SLC24A2: variants seen among roughly 807,000 people sequenced by gnomAD.
SLC24A2 encodes solute carrier family 24 member 2.
SLC24A2 carries 36 observed loss-of-function variants against 62.0 expected under a neutral mutation model. The ratio of observed to expected loss-of-function variants is 0.58; its 90% CI spans 0.44 to 0.77. The LOEUF (loss-of-function observed/expected upper bound fraction) is 0.77, where lower values mean the gene tolerates loss of function less well. Among genes scored for constraint, SLC24A2 ranks in the 30% least tolerant of loss-of-function variants. The probability of loss-of-function intolerance (pLI) is 0.00; values close to 1 mark genes in which losing one functional copy is unlikely to be tolerated. For missense variants in SLC24A2, 846 were observed against 817.9 expected (o/e 1.03, Z -0.42); for synonymous variants, 358 against 294.0 (o/e 1.22, Z -2.23).
intron 2 of SLC24A2, among the ~76,000 whole-genome samples, chr9:19,633,520 T>C (rs1223830262): frequency 6.6e-6 from 1 of 152,246 alleles, no homozygotes; most frequent in East Asian, 1.9e-4. Flanking sequence ...CATTGTGGTA[T>C]CATAGTTGTT....
the SLC24A2 span, among the ~76,000 whole-genome samples, chr9:20,046,255 C>A: frequency 2.0e-5 from 3 of 152,210 alleles, no homozygotes; most frequent in Non-Finnish European, 4.4e-5. Flanking sequence ...GGCTTGTCAG[C>A]ATCCATCTTC....
At chr9:19,560,072 C>A (rs112660633) in intron 7 of SLC24A2, among the ~76,000 whole-genome samples, 3 of 152,230 alleles carry the variant, frequency 2.0e-5, no homozygotes, top group African/African-American at 4.8e-5. Flanking sequence ...TGAGTCACTT[C>A]CAAAGCAAAC....
At chr9:19,718,259 G>C (rs1166632022) in intron 2 of SLC24A2, among the ~76,000 whole-genome samples, 2 of 137,760 alleles carry the variant, frequency 1.5e-5, no homozygotes, top group Non-Finnish European at 3.1e-5. Context: ...ACAGGCTTAA[G>C]CTACCATGCC....
the SLC24A2 span, among the ~76,000 whole-genome samples, chr9:20,101,756 G>A: frequency 1.3e-5 from 2 of 151,664 alleles, no homozygotes; most frequent in African/African-American, 4.8e-5. Context: ...TTTTTTTTAA[G>A]GAAAAGAAAA....
chr9:20,247,302 C>A, the SLC24A2 span, among the ~76,000 whole-genome samples: 1 of 152,146 alleles, frequency 6.6e-6, no homozygotes, highest in African/African-American at 2.4e-5. Context: ...CATCAGCAGG[C>A]CCTCACCAAG....
chr9:20,217,796 C>T, the SLC24A2 span, among the ~76,000 whole-genome samples: 2 of 152,200 alleles, frequency 1.3e-5, no homozygotes, highest in African/African-American at 4.8e-5. Context: ...TCCTTTACTT[C>T]AATTTGAGTC....
the SLC24A2 span, among the ~76,000 whole-genome samples, chr9:20,184,003 T>C: frequency 6.6e-6 from 1 of 152,062 alleles, no homozygotes; most frequent in Non-Finnish European, 1.5e-5. Flanking sequence ...GAGAAAATAT[T>C]TGCAAACCAT....
the SLC24A2 span, among the ~76,000 whole-genome samples, chr9:20,012,244 G>C: frequency 1.3e-5 from 2 of 152,146 alleles, no homozygotes; most frequent in Non-Finnish European, 2.9e-5. Flanking sequence ...CCAGGTGGCT[G>C]GGGAGGCCTC....
rs189965738 is a variant in SLC24A2 at position 19,651,847 on chromosome 9, A to G, written c.931-29548T>C. Among the ~76,000 whole-genome samples, 158 of 152,296 alleles carry G rather than the reference A, an allele frequency of 1.0e-3. 1 individual carries two copies. The South Asian group carries it at 0.013, about 13-fold the overall frequency. ...GCTCCTGATTCTTACAGGTTTCTCT[A>G]TGACATGCGCCGCAGGCTTCAGCAG... On this transcript the variant is annotated intron_variant, in intron 2 of 10. Transcript: ENST00000341998.
chr9:19,601,853 T>A (rs535987454), intron 4 of SLC24A2, among the ~76,000 whole-genome samples: 1 of 152,320 alleles, frequency 6.6e-6, no homozygotes, highest in South Asian at 2.1e-4. Context: ...AGTTGTATTC[T>A]AGAATTGTGG....
chr9:19,731,497 T>TTCTCTCTC lies in SLC24A2; in HGVS notation c.930+54432_930+54439dup, dbSNP rs71335449. On this transcript the variant is annotated intron_variant, in intron 2 of 10. Transcript: ENST00000341998. ...AAAAGAGACACTTAAGAACACTTGT[T>TTCTCTCTC]TCTCTCTCTCTCTCTCTCCGTGTGT... 8.5e-4 allele frequency among the ~76,000 whole-genome samples: 126 copies of TTCTCTCTC among 148,260 alleles called. 1 individual carries two copies. In the East Asian group the frequency reaches 0.01, roughly 12 times the overall value.
intron 8 of SLC24A2, among the ~76,000 whole-genome samples, chr9:19,528,775 G>GC (rs956207672): frequency 6.6e-6 from 1 of 152,136 alleles, no homozygotes; most frequent in African/African-American, 2.4e-5. Context: ...GTAGACAGAG[G>GC]CAGAAGCGCC....
intron 7 of SLC24A2, among the ~76,000 whole-genome samples, chr9:19,552,326 GT>G (rs1253297768): frequency 6.6e-6 from 1 of 152,110 alleles, no homozygotes; most frequent in Non-Finnish European, 1.5e-5. Context: ...AATAATCTTT[GT>G]GTCATGGGGC....
At chr9:19,624,303 G>C (rs997626273) in intron 2 of SLC24A2, among the ~76,000 whole-genome samples, 1 of 152,166 alleles carries the variant, frequency 6.6e-6, no homozygotes, top group Non-Finnish European at 1.5e-5. Context: ...TGATACCACA[G>C]TGTTGACACA....
At chr9:20,299,857 C>A in the SLC24A2 span, among the ~76,000 whole-genome samples, 5 of 152,234 alleles carry the variant, frequency 3.3e-5, no homozygotes, top group African/African-American at 1.2e-4. Flanking sequence ...AAGTGCATTG[C>A]TCTTTTCACT....
the SLC24A2 span, among the ~76,000 whole-genome samples, chr9:20,128,615 G>A: frequency 6.6e-6 from 1 of 152,070 alleles, no homozygotes; most frequent in South Asian, 2.1e-4. Flanking sequence ...GTAGTGTGAA[G>A]TTAAGATTTT....
chr9:19,589,602 G>C (rs1347457930), intron 5 of SLC24A2, among the ~76,000 whole-genome samples: 1 of 152,048 alleles, frequency 6.6e-6, no homozygotes, highest in African/African-American at 2.4e-5. Context: ...CATTTTAAAG[G>C]TCTGTTTCAC....
At chr9:20,074,542 G>A in the SLC24A2 span, among the ~76,000 whole-genome samples, 9 of 143,430 alleles carry the variant, frequency 6.3e-5, no homozygotes, top group Admixed American at 5.1e-4. Context: ...GAAATAATAG[G>A]AAGAGAAGAA....
chr9:20,177,967 T>G, the SLC24A2 span, among the ~76,000 whole-genome samples: 6 of 152,230 alleles, frequency 3.9e-5, no homozygotes, highest in African/African-American at 1.4e-4. Context: ...CCTCCTTACT[T>G]TTTTACACTA....
Sources: allele counts gnomAD v4.1 joint callset (sites outside exome capture counted in the v4.1 genomes callset), GRCh38; gene constraint gnomAD v4.1.1; transcripts MANE v1.5; gene names NCBI Gene and HGNC (gene_info 2026-07-23, HGNC 2026-07-21).